The following SYNPR variants were observed in gnomAD, a reference collection of about 807,000 sequenced individuals.
The protein encoded by SYNPR is synaptoporin.
In SYNPR, 23 loss-of-function variants were observed where a neutral mutation model predicts 32.9. That is an observed-to-expected ratio of 0.70 (90% CI 0.50 to 0.99). The LOEUF (loss-of-function observed/expected upper bound fraction) is 0.99, where lower values mean the gene tolerates loss of function less well. SYNPR is among the 50% of genes least tolerant of loss of function. The pLI, the probability that SYNPR is intolerant of heterozygous loss-of-function variation, is 0.00. For missense variants in SYNPR, 318 were observed against 349.3 expected (o/e 0.91, Z 0.71); for synonymous variants, 146 against 135.9 (o/e 1.07, Z -0.52).
chr3:63,361,122 A>G (rs1044086472), intron 2 of SYNPR, among the ~76,000 whole-genome samples: 1 of 152,188 alleles, frequency 6.6e-6, no homozygotes, highest in African/African-American at 2.4e-5. Flanking sequence ...AATATCCAGG[A>G]GATTCAGAAT....
intron 3 of SYNPR, among the ~76,000 whole-genome samples, chr3:63,538,622 G>A (rs1015050497): frequency 6.6e-6 from 1 of 152,030 alleles, no homozygotes; most frequent in South Asian, 2.1e-4. Context: ...GCCTTAATAA[G>A]CATTGCATGT....
upstream of SYNPR, among the ~76,000 whole-genome samples, chr3:63,227,578 G>A (rs1487232253): frequency 6.6e-6 from 1 of 152,144 alleles, no homozygotes; most frequent in African/African-American, 2.4e-5. Context: ...CATGTTATCA[G>A]GGTCTCAAGA....
At chr3:63,357,044 A>G (rs1430395247) in intron 2 of SYNPR, among the ~76,000 whole-genome samples, 2 of 152,214 alleles carry the variant, frequency 1.3e-5, no homozygotes, top group Admixed American at 1.3e-4. Context: ...AGATGATGAC[A>G]ATAATTATTA....
intron 2 of SYNPR, among the ~76,000 whole-genome samples, chr3:63,418,639 A>T (rs2088571082): frequency 6.6e-6 from 1 of 152,244 alleles, no homozygotes; most frequent in Non-Finnish European, 1.5e-5. Flanking sequence ...GGTGGAAAAC[A>T]AAGAGGAACA....
chr3:63,317,269 T>G (rs1419504739), intron 2 of SYNPR, among the ~76,000 whole-genome samples: 1 of 152,012 alleles, frequency 6.6e-6, no homozygotes, highest in African/African-American at 2.4e-5. Flanking sequence ...AGGTGTAGTT[T>G]AAATCCATTG....
chr3:63,256,898 C>A (rs570258216), intron 2 of SYNPR, among the ~76,000 whole-genome samples: 4 of 152,142 alleles, frequency 2.6e-5, no homozygotes, highest in South Asian at 2.1e-4. Context: ...CTGAAAACCA[C>A]GGCACGAGAA....
chr3:63,429,250 T>C (rs559951096), intron 2 of SYNPR, among the ~76,000 whole-genome samples: 6 of 152,356 alleles, frequency 3.9e-5, no homozygotes, highest in African/African-American at 1.4e-4. Flanking sequence ...ATTGTATCAA[T>C]AATTTGCATA....
intron 2 of SYNPR, among the ~76,000 whole-genome samples, chr3:63,313,633 A>G (rs1223518196): frequency 1.4e-5 from 2 of 142,226 alleles, no homozygotes; most frequent in South Asian, 2.3e-4. Flanking sequence ...TACACACACA[A>G]TGAAATACTA....
intron 2 of SYNPR, among the ~76,000 whole-genome samples, chr3:63,474,406 A>G (rs1002495931): frequency 6.6e-6 from 1 of 152,234 alleles, no homozygotes; most frequent in Non-Finnish European, 1.5e-5. Flanking sequence ...AGCCTCTGCT[A>G]TAATAACTAA....
rs181854716 is a variant in SYNPR, at chr3:63,552,966, T to G, written c.210-3577T>G. On this transcript the variant is annotated intron_variant, in intron 3 of 5. Coordinates refer to ENST00000478300, the MANE Select transcript of SYNPR (RefSeq NM_001130003.2). ...ATGATGTGCACAACAAATCTGTTGG[T>G]TTTTTTTTCTATTTCAACTTTTATT... is the stretch of plus-strand genomic sequence containing the variant. Among the ~76,000 whole-genome samples, 317 of 151,596 alleles carry G rather than the reference T, an allele frequency of 2.1e-3. 3 individuals carry two copies. The highest frequency in any genetic ancestry group is 0.014 in the Middle Eastern group (4 of 292).
intron 2 of SYNPR, among the ~76,000 whole-genome samples, chr3:63,361,815 C>CAT (rs34995264): frequency 0.13 from 19,721 of 151,314 alleles, 1,882 homozygotes; most frequent in East Asian, 0.5. Flanking sequence ...TTTCTACACA[C>CAT]ATATATATAT....
chr3:63,584,736 G>A (rs1266067939), intron 4 of SYNPR, among the ~76,000 whole-genome samples: 2 of 152,078 alleles, frequency 1.3e-5, no homozygotes, highest in Non-Finnish European at 2.9e-5. Flanking sequence ...TGAACTGGCA[G>A]AATGAGACCT....
intron 2 of SYNPR, among the ~76,000 whole-genome samples, chr3:63,402,374 C>T (rs2088304243): frequency 6.6e-6 from 1 of 152,084 alleles, no homozygotes; most frequent in South Asian, 2.1e-4. Flanking sequence ...TTGAGAACCA[C>T]TGCTCTAAAT....
chr3:63,533,601 A>G (rs1389172069), intron 3 of SYNPR, among the ~76,000 whole-genome samples: 1 of 152,166 alleles, frequency 6.6e-6, no homozygotes, highest in Non-Finnish European at 1.5e-5. Context: ...ACATAATGAA[A>G]GGGAAGGCTG....
At chr3:63,419,141 G>C (rs917734155) in intron 2 of SYNPR, among the ~76,000 whole-genome samples, 1 of 152,186 alleles carries the variant, frequency 6.6e-6, no homozygotes, top group Non-Finnish European at 1.5e-5. Context: ...GTCACAGCCT[G>C]TTCCTTGAAG....
At chr3:63,329,248 G>A (rs997628941) in intron 2 of SYNPR, among the ~76,000 whole-genome samples, 2 of 152,042 alleles carry the variant, frequency 1.3e-5, no homozygotes, top group African/African-American at 4.8e-5. Context: ...TCACAAAGCT[G>A]GTCACTTAAC....
intron 2 of SYNPR, among the ~76,000 whole-genome samples, chr3:63,478,701 T>G (rs896377262): frequency 1.4e-4 from 21 of 152,196 alleles, no homozygotes; most frequent in African/African-American, 4.8e-4. Flanking sequence ...TCCGTCTCAC[T>G]TAGTTTTCTC....
chr3:63,367,342 A>ATTATTTATTTATTTAT (rs3081092), intron 2 of SYNPR, among the ~76,000 whole-genome samples: 2,998 of 143,662 alleles, frequency 0.021, 103 homozygotes, highest in African/African-American at 0.064. Flanking sequence ...TCACTGTTGA[A>ATTATTTATTTATTTAT]TTATTTATTT....
At chr3:63,346,322 T>C (rs1312530595) in intron 2 of SYNPR, among the ~76,000 whole-genome samples, 2 of 152,188 alleles carry the variant, frequency 1.3e-5, no homozygotes, top group African/African-American at 4.8e-5. Context: ...ATTTTTTTGG[T>C]AGATTTATGT....
Sources: gnomAD v4.1 joint callset for allele counts (sites outside exome capture counted in the v4.1 genomes callset) on GRCh38, gnomAD v4.1.1 for gene constraint, MANE v1.5 for transcripts, NCBI Gene and HGNC (gene_info 2026-07-23, HGNC 2026-07-21) for gene names.